OSBPL2: variants seen among roughly 807,000 people sequenced by gnomAD.
The protein encoded by OSBPL2 is oxysterol binding protein like 2.
In OSBPL2, 18 loss-of-function variants were observed where a neutral mutation model predicts 58.4. The observed-to-expected ratio is 0.31, with a 90% CI of 0.21 to 0.46. The LOEUF is 0.46. Among genes scored for constraint, OSBPL2 ranks in the 20% least tolerant of loss-of-function variants. The pLI, the probability that OSBPL2 is intolerant of heterozygous loss-of-function variation, is 1.00. For synonymous variants in OSBPL2, 221 were observed against 234.1 expected, an observed-to-expected ratio of 0.94 and a Z score of 0.51; for missense variants, 461 against 616.5, an observed-to-expected ratio of 0.75 and a Z score of 2.67.
At chr20:62,292,999 G>A (rs937672648) in intron 13 of OSBPL2, among the ~76,000 whole-genome samples, 3 of 151,306 alleles carry the variant, frequency 2.0e-5, no homozygotes, top group Non-Finnish European at 4.4e-5. Flanking sequence ...CTCCTGAGTA[G>A]CTGGGACTAC....
chr20:62,278,678 T>C (rs1242194780), intron 6 of OSBPL2: 1 of 142,232 alleles, frequency 7.0e-6, no homozygotes, highest in Non-Finnish European at 1.3e-5. Flanking sequence ...CCAAGTGCAA[T>C]GTCATGTTTG....
At chr20:62,275,468 G>A (rs757008274) in intron 6 of OSBPL2, among the ~76,000 whole-genome samples, 3 of 151,244 alleles carry the variant, frequency 2.0e-5, no homozygotes, top group South Asian at 2.1e-4. Context: ...ACATGATCAC[G>A]GCTCACTGTA....
intron 9 of OSBPL2, 128 bp downstream of exon 9, chr20:62,282,007 C>G: frequency 1.7e-6 from 1 of 583,412 alleles, no homozygotes; most frequent in Non-Finnish European, 3.2e-6. Context: ...GCCATCTGTT[C>G]ATGGTCCAGA....
intron 3 of OSBPL2, among the ~76,000 whole-genome samples, chr20:62,262,797 A>T (rs1014896359): frequency 6.6e-6 from 1 of 152,102 alleles, no homozygotes; most frequent in African/African-American, 2.4e-5. Flanking sequence ...AACGCCCCTC[A>T]AAGCAGCTTC....
chr20:62,264,837 G>A (rs1262566677), intron 4 of OSBPL2: 1 of 152,184 alleles, frequency 6.6e-6, no homozygotes, highest in Non-Finnish European at 1.5e-5. Flanking sequence ...TCCACTTGGT[G>A]GCAGCTGCTC....
At chr20:62,281,686 C>G (rs1196453179) in intron 8 of OSBPL2, 104 bp from the exon 9 acceptor site, 15 of 791,068 alleles carry the variant, frequency 1.9e-5, no homozygotes, top group Admixed American at 5.5e-5. Flanking sequence ...GCAGTCACCC[C>G]CCGCCTGCCC....
rs146390886 is a variant in OSBPL2 at position 62,280,538 on chromosome 20, G to A, written c.675-520G>A. ...TCTGCCTTCACTGTGGCTCCCCCAC[G>A]TAGCACCTTAGAACATAGGGCTGCT... On this transcript the variant is annotated intron_variant, in intron 7 of 13. Transcript: ENST00000313733. Among the ~76,000 whole-genome samples the A allele has an allele frequency of 3.6e-3, 553 of 152,356 alleles. 2 individuals are homozygous for A. Among genetic ancestry groups the A allele is most frequent in the African/African-American group, 0.012 (513 of 41,584 alleles).
chr20:62,279,820 G>A (rs551273179), intron 7 of OSBPL2: 2 of 431,682 alleles, frequency 4.6e-6, no homozygotes, highest in Non-Finnish European at 6.2e-6. Context: ...TTGCTGCAGG[G>A]CACTGCCTCC....
chr20:62,275,483 C>T (rs1394345242), intron 6 of OSBPL2, among the ~76,000 whole-genome samples: 3 of 151,708 alleles, frequency 2.0e-5, no homozygotes, highest in Non-Finnish European at 2.9e-5. Flanking sequence ...ACTGTAGCCT[C>T]GACCTCCTGC....
intron 1 of OSBPL2, among the ~76,000 whole-genome samples, chr20:62,255,774 G>T (rs575986409): frequency 6.6e-6 from 1 of 152,206 alleles, no homozygotes; most frequent in Non-Finnish European, 1.5e-5. Flanking sequence ...CAAAGTGCTG[G>T]GATTACAGGC....
At chr20:62,247,650 T>C (rs1174373016) in intron 1 of OSBPL2, among the ~76,000 whole-genome samples, 3 of 151,140 alleles carry the variant, frequency 2.0e-5, no homozygotes, top group Non-Finnish European at 2.9e-5. Context: ...ATGGGGTCCT[T>C]AGGGTCCTTT....
intron 10 of OSBPL2, chr20:62,285,126 C>T (rs1023108140): frequency 6.6e-5 from 10 of 152,216 alleles, no homozygotes; most frequent in African/African-American, 2.4e-4. Context: ...CGGAAACATT[C>T]AGCCTCCTCC....
intron 1 of OSBPL2, among the ~76,000 whole-genome samples, chr20:62,241,778 A>C (rs1979755240): frequency 6.6e-6 from 1 of 152,236 alleles, no homozygotes; most frequent in African/African-American, 2.4e-5. Context: ...ACACCTGCTG[A>C]AGCTGGAGCC....
intron 3 of OSBPL2, among the ~76,000 whole-genome samples, chr20:62,260,514 A>G (rs1471571132): frequency 6.6e-6 from 1 of 152,172 alleles, no homozygotes; most frequent in Non-Finnish European, 1.5e-5. Flanking sequence ...CTGCTTTTCC[A>G]TGGGCGGCCA....
rs1320951770 is a variant in OSBPL2 at position 62,263,598 on chromosome 20, C to T, written c.183-18C>T. 6.2e-7 allele frequency: 1 copy of T among 1,610,230 alleles called. No homozygotes were observed. Among genetic ancestry groups the T allele is most frequent in the East Asian group, 2.2e-5 (1 of 44,818 alleles). ...CTGTGTTGAATTCACCCACACGCAC[C>T]CCTTTTGTGCTTCGCAGGACATCGC... On this transcript the variant is annotated intron_variant, in intron 3 of 13. Transcript: ENST00000313733.
At chr20:62,278,461 G>C (rs6062187) in intron 6 of OSBPL2, 35 of 176,778 alleles carry the variant, frequency 2.0e-4, no homozygotes, top group African/African-American at 8.4e-4. Context: ...TGTCATGTTT[G>C]TGTGTGTGTC....
intron 7 of OSBPL2, chr20:62,279,928 T>G (rs1459540456): frequency 5.4e-6 from 7 of 1,298,708 alleles, no homozygotes; most frequent in Non-Finnish European, 6.1e-6. Flanking sequence ...GGGTTGGAAT[T>G]TGAAACAGCG....
intron 10 of OSBPL2, chr20:62,285,334 G>A (rs1194632920): frequency 1.3e-5 from 2 of 152,204 alleles, no homozygotes; most frequent in Non-Finnish European, 2.9e-5. Context: ...GTGAATCCTT[G>A]TCCTTGAGCT....
chr20:62,289,440 G>A (rs1983347930), intron 12 of OSBPL2, 110 bp downstream of exon 12: 3 of 1,307,162 alleles, frequency 2.3e-6, no homozygotes, highest in Non-Finnish European at 3.1e-6. Context: ...TACAAGGGGA[G>A]CCCCGTCCCT....
Sources: allele counts gnomAD v4.1 joint callset (sites outside exome capture counted in the v4.1 genomes callset), GRCh38; gene constraint gnomAD v4.1.1; transcripts MANE v1.5; gene names NCBI Gene and HGNC (gene_info 2026-07-23, HGNC 2026-07-21).